Variants in GRAMD1B observed in about 807,000 individuals in gnomAD.
GRAMD1B encodes GRAM domain containing 1B, also known as protein Aster-B.
A neutral mutation model predicts 99.7 loss-of-function variants in GRAMD1B; 37 were observed. The observed-to-expected ratio is 0.37, with a 90% confidence interval of 0.29 to 0.49. The LOEUF (loss-of-function observed/expected upper bound fraction) is 0.49. Ranked by LOEUF, GRAMD1B falls within the 20% of genes least tolerant of loss-of-function variation. GRAMD1B has a pLI of 0.98. For missense variants in GRAMD1B, 888 were observed against 1,009.2 expected, an observed-to-expected ratio of 0.88 and a Z score of 1.63; for synonymous variants, 427 against 387.6, an observed-to-expected ratio of 1.10 and a Z score of -1.19.
intron 1 of GRAMD1B, among the ~76,000 whole-genome samples, chr11:123,473,144 A>C (rs1951096979): frequency 6.6e-6 from 1 of 152,010 alleles, no homozygotes; most frequent in African/African-American, 2.4e-5. Context: ...GGCTCACTGC[A>C]ACCTCTGCCT....
chr11:123,558,783 C>T (rs1279097730), intron 2 of GRAMD1B, among the ~76,000 whole-genome samples: 1 of 152,208 alleles, frequency 6.6e-6, no homozygotes, highest in Non-Finnish European at 1.5e-5. Flanking sequence ...CAGGGCCAGA[C>T]AGCCCAGAAC....
At chr11:123,607,561 A>C (rs1281856408) in intron 11 of GRAMD1B, among the ~76,000 whole-genome samples, 2 of 152,236 alleles carry the variant, frequency 1.3e-5, no homozygotes, top group Non-Finnish European at 2.9e-5. Flanking sequence ...TCTAGAGTCC[A>C]GGGTTGGCAC....
intron 2 of GRAMD1B, among the ~76,000 whole-genome samples, chr11:123,577,005 G>A (rs2852732): frequency 0.28 from 42,541 of 152,148 alleles, 6,334 homozygotes; most frequent in South Asian, 0.43. Context: ...TGTATTGGAT[G>A]GTCTCCAGTG....
intron 2 of GRAMD1B, among the ~76,000 whole-genome samples, chr11:123,532,262 T>G (rs1490000869): frequency 6.6e-6 from 1 of 152,172 alleles, no homozygotes; most frequent in Non-Finnish European, 1.5e-5. Flanking sequence ...GGCAGTAGAA[T>G]GTCATGGCCC....
chr11:123,393,411 A>G (rs1947347878), intron 1 of GRAMD1B, among the ~76,000 whole-genome samples: 1 of 152,222 alleles, frequency 6.6e-6, no homozygotes. Context: ...GAGAAGCCTG[A>G]CAGGGTGGTT....
chr11:123,600,350 G>C (rs1951798297), intron 7 of GRAMD1B, 118 bp from the exon 8 acceptor site: 3 of 644,806 alleles, frequency 4.7e-6, no homozygotes, highest in Non-Finnish European at 5.4e-6. Context: ...AGGTAACTGA[G>C]AGTCATTAGT....
intron 1 of GRAMD1B, among the ~76,000 whole-genome samples, chr11:123,441,625 A>G (rs1949410938): frequency 6.6e-6 from 1 of 151,736 alleles, no homozygotes; most frequent in South Asian, 2.1e-4. Flanking sequence ...TCTATTATAA[A>G]AGAAAAAAAA....
chr11:123,499,037 G>A (rs1170447023), intron 2 of GRAMD1B, among the ~76,000 whole-genome samples: 1 of 152,184 alleles, frequency 6.6e-6, no homozygotes, highest in Non-Finnish European at 1.5e-5. Flanking sequence ...ATAGGGCTGG[G>A]ACATGGAAGG....
chr11:123,618,597 C>T, intron 17 of GRAMD1B, 96 bp from the exon 18 acceptor site: 1 of 832,196 alleles, frequency 1.2e-6, no homozygotes, highest in South Asian at 1.4e-5. Context: ...TTTGGATGGC[C>T]CACCGGTCAG....
intron 1 of GRAMD1B, among the ~76,000 whole-genome samples, chr11:123,363,743 C>T (rs1300864872): frequency 6.6e-6 from 1 of 152,056 alleles, no homozygotes; most frequent in Non-Finnish European, 1.5e-5. Flanking sequence ...ATTTGTTGGC[C>T]TGGTTAGGGA....
intron 1 of GRAMD1B, among the ~76,000 whole-genome samples, chr11:123,368,679 C>CAAAAAA (rs58877377): frequency 2.1e-4 from 16 of 77,876 alleles, no homozygotes; most frequent in Middle Eastern, 0.012. Context: ...GACTCTGTCT[C>CAAAAAA]AAAAAAAAAA....
intron 4 of GRAMD1B, among the ~76,000 whole-genome samples, chr11:123,589,614 T>TACATA (rs1555089174): frequency 7.8e-6 from 1 of 128,278 alleles, no homozygotes; most frequent in South Asian, 2.4e-4. Flanking sequence ...TGGCTAATTT[T>TACATA]TATATATATA....
rs548465625 is a variant in GRAMD1B, at chr11:123,616,407, G to T, written c.2318+1572G>T. On this transcript the variant is annotated intron_variant, in intron 17 of 19. Coordinates refer to ENST00000635736, the MANE Select transcript of GRAMD1B (RefSeq NM_001387025.1). ...TCGATTTAATGTGATTCATGCCATT[G>T]TTCTGTTAAATTAAATCTCTTGTAT... is the stretch of plus-strand genomic sequence containing the variant. 4.9e-4 allele frequency among the ~76,000 whole-genome samples: 75 copies of T among 152,356 alleles called. 2 individuals are homozygous for T. In the South Asian group the frequency reaches 0.016, roughly 32 times the overall value.
At chr11:123,512,703 C>CT (rs766565214) in intron 2 of GRAMD1B, among the ~76,000 whole-genome samples, 25,585 of 102,854 alleles carry the variant, frequency 0.25, 3,342 homozygotes, top group African/African-American at 0.28. Flanking sequence ...CATTGTGAAT[C>CT]TTTTTTTTTT....
At chr11:123,499,691 T>C (rs748691318) in intron 2 of GRAMD1B, among the ~76,000 whole-genome samples, 29 of 152,232 alleles carry the variant, frequency 1.9e-4, no homozygotes, top group Non-Finnish European at 3.4e-4. Flanking sequence ...GAAACCCATT[T>C]TGACCCTGAT....
intron 2 of GRAMD1B, among the ~76,000 whole-genome samples, chr11:123,554,867 C>G (rs528128136): frequency 6.6e-6 from 1 of 152,306 alleles, no homozygotes; most frequent in South Asian, 2.1e-4. Context: ...AGAAGGCTCC[C>G]TGCACTTCCT....
At chr11:123,463,555 T>C (rs1246676320) in intron 1 of GRAMD1B, among the ~76,000 whole-genome samples, 1 of 152,248 alleles carries the variant, frequency 6.6e-6, no homozygotes, top group Non-Finnish European at 1.5e-5. Flanking sequence ...ACAGGTTCTC[T>C]CCACCACACG....
At chr11:123,478,934 G>T (rs567692132) in intron 1 of GRAMD1B, among the ~76,000 whole-genome samples, 30 of 152,320 alleles carry the variant, frequency 2.0e-4, no homozygotes, top group African/African-American at 6.0e-4. Context: ...CTTGTCCCAG[G>T]TTGTATATAA....
intron 19 of GRAMD1B, among the ~76,000 whole-genome samples, chr11:123,622,043 C>T (rs1243148293): frequency 6.6e-6 from 1 of 150,976 alleles, no homozygotes; most frequent in Non-Finnish European, 1.5e-5. Context: ...TTTTAAAAGG[C>T]AGGGTCTTGC....
Sources: gnomAD v4.1 joint callset for allele counts (sites outside exome capture counted in the v4.1 genomes callset) on GRCh38, gnomAD v4.1.1 for gene constraint, MANE v1.5 for transcripts, NCBI Gene and HGNC (gene_info 2026-07-23, HGNC 2026-07-21) for gene names.